Variants in IGF2BP2 observed in about 807,000 individuals in gnomAD.
The protein encoded by IGF2BP2 is insulin like growth factor 2 mRNA binding protein 2.
In IGF2BP2, 17 loss-of-function variants were observed where a neutral mutation model predicts 75.8. The ratio of observed to expected loss-of-function variants is 0.22; its 90% CI spans 0.15 to 0.34. The LOEUF (loss-of-function observed/expected upper bound fraction) is 0.34. Ranked by LOEUF, IGF2BP2 falls within the 10% of genes least tolerant of loss-of-function variation. The pLI, the probability that IGF2BP2 is intolerant of heterozygous loss-of-function variation, is 1.00. For synonymous variants in IGF2BP2, 288 were observed against 295.6 expected, an observed-to-expected ratio of 0.97 and a Z score of 0.26; for missense variants, 516 against 772.4, an observed-to-expected ratio of 0.67 and a Z score of 3.93.
chr3:185,698,466 T>A, intron 2 of IGF2BP2, 119 bp from the exon 3 acceptor site: 1 of 877,400 alleles, frequency 1.1e-6, no homozygotes, highest in Admixed American at 2.4e-5. Flanking sequence ...CACCATGGCA[T>A]CAACAAAAAA....
intron 7 of IGF2BP2, among the ~76,000 whole-genome samples, chr3:185,682,085 T>C (rs939002971): frequency 2.0e-5 from 3 of 152,224 alleles, no homozygotes; most frequent in East Asian, 3.8e-4. Flanking sequence ...TAAAAACTTT[T>C]GTGCATCAAA....
intron 2 of IGF2BP2, among the ~76,000 whole-genome samples, chr3:185,699,794 C>A (rs116990199): frequency 6.6e-6 from 1 of 152,078 alleles, no homozygotes. Context: ...TTAATCCATC[C>A]CCTACTAATG....
At chr3:185,786,729 C>T (rs1182936082) in intron 2 of IGF2BP2, among the ~76,000 whole-genome samples, 2 of 152,034 alleles carry the variant, frequency 1.3e-5, no homozygotes, top group South Asian at 2.1e-4. Context: ...CACATGGACG[C>T]GCGTGACAGA....
intron 2 of IGF2BP2, among the ~76,000 whole-genome samples, chr3:185,787,715 A>T (rs1424444158): frequency 6.7e-6 from 1 of 148,782 alleles, no homozygotes; most frequent in African/African-American, 2.5e-5. Context: ...CCTGGGCAAC[A>T]GAGTGAGACT....
chr3:185,654,937 T>C (rs977211583), intron 12 of IGF2BP2, among the ~76,000 whole-genome samples: 2 of 152,182 alleles, frequency 1.3e-5, no homozygotes, highest in Non-Finnish European at 2.9e-5. Context: ...TCTCCTCCCA[T>C]GGATGAGTGT....
At chr3:185,719,610 G>A (rs1004275808) in intron 2 of IGF2BP2, among the ~76,000 whole-genome samples, 14 of 152,202 alleles carry the variant, frequency 9.2e-5, no homozygotes, top group African/African-American at 2.4e-4. Flanking sequence ...GAGGCAGGTG[G>A]ATCACCTGAG....
chr3:185,811,827 G>GGT (rs1739874051), intron 2 of IGF2BP2, among the ~76,000 whole-genome samples: 1 of 120,456 alleles, frequency 8.3e-6, no homozygotes, highest in South Asian at 2.7e-4. Flanking sequence ...CTCAGAGTAG[G>GGT]GTGTCTCTCT....
chr3:185,721,186 T>C (rs1262647804), intron 2 of IGF2BP2, among the ~76,000 whole-genome samples: 3 of 152,118 alleles, frequency 2.0e-5, no homozygotes, highest in African/African-American at 7.2e-5. Context: ...CTTCTTCTTC[T>C]TTTTTTGTTT....
chr3:185,668,504 GAGAGAT>G (rs1400150889), intron 10 of IGF2BP2, among the ~76,000 whole-genome samples: 3 of 123,012 alleles, frequency 2.4e-5, no homozygotes, highest in Admixed American at 8.0e-5. Flanking sequence ...GAGAGAGAGA[GAGAGAT>G]ATATATATAT....
chr3:185,709,844 GA>G (rs1250850685), intron 2 of IGF2BP2, among the ~76,000 whole-genome samples: 3 of 152,168 alleles, frequency 2.0e-5, no homozygotes, highest in Non-Finnish European at 4.4e-5. Context: ...CAGGTGGAAT[GA>G]ACAATCCAAA....
At chr3:185,761,542 G>A (rs1732370672) in intron 2 of IGF2BP2, among the ~76,000 whole-genome samples, 1 of 152,150 alleles carries the variant, frequency 6.6e-6, no homozygotes, top group East Asian at 1.9e-4. Context: ...TTTACTGGGG[G>A]TACTGGTTGC....
rs754676128 is a variant in IGF2BP2 at position 185,652,076 on chromosome 3, G to A, written c.1461+18C>T. The A allele has an allele frequency of 3.1e-6, 5 of 1,604,388 alleles. No homozygotes were observed. In the South Asian group the frequency reaches 3.3e-5, roughly 11 times the overall value. ...TGTGCCCAGAGCCTGCAGGGCTGAG[G>A]TGTCCCTTGGCACTAACCTTGAACT... is the stretch of plus-strand genomic sequence containing the variant. On this transcript the variant is annotated intron_variant, in intron 13 of 15. Transcript: ENST00000382199.
At chr3:185,675,735 T>A (rs1442570567) in intron 8 of IGF2BP2, 56 bp downstream of exon 8, 2 of 1,589,862 alleles carry the variant, frequency 1.3e-6, no homozygotes, top group Non-Finnish European at 1.7e-6. Context: ...ACTAGACGTA[T>A]CGAAATGCTC....
chr3:185,743,446 T>C (rs950799002), intron 2 of IGF2BP2, among the ~76,000 whole-genome samples: 1 of 152,100 alleles, frequency 6.6e-6, no homozygotes, highest in Non-Finnish European at 1.5e-5. Context: ...TGGCTAATTT[T>C]TGTATTTTTA....
chr3:185,760,315 C>T (rs1184353508), intron 2 of IGF2BP2, among the ~76,000 whole-genome samples: 1 of 152,130 alleles, frequency 6.6e-6, no homozygotes, highest in Non-Finnish European at 1.5e-5. Context: ...ATATTAGACT[C>T]ATCAGTTTTT....
intron 2 of IGF2BP2, among the ~76,000 whole-genome samples, chr3:185,707,199 T>TG (rs11401545): frequency 1 from 149,841 of 149,846 alleles, 74,918 homozygotes; most frequent in Middle Eastern, 1. Context: ...CACTCCAGCC[T>TG]GGCAACAAGA....
intron 2 of IGF2BP2, among the ~76,000 whole-genome samples, chr3:185,701,350 T>C (rs1443905982): frequency 7.7e-6 from 1 of 130,114 alleles, no homozygotes; most frequent in East Asian, 2.1e-4. Context: ...TTTTAAAGTA[T>C]ACTGGAACCT....
At chr3:185,675,946 G>C (rs778876184) in intron 7 of IGF2BP2, 33 bp from the exon 8 acceptor site, 2 of 1,610,252 alleles carry the variant, frequency 1.2e-6, no homozygotes, top group Non-Finnish European at 1.7e-6. Context: ...TAACACTTCA[G>C]ATACGTATAA....
intron 2 of IGF2BP2, among the ~76,000 whole-genome samples, chr3:185,739,284 T>C (rs1201243335): frequency 1.3e-5 from 2 of 152,140 alleles, no homozygotes; most frequent in African/African-American, 4.8e-5. Context: ...TGGTCTCTAA[T>C]CCTCAGTGTG....
Sources: gnomAD v4.1 joint callset for allele counts (sites outside exome capture counted in the v4.1 genomes callset) on GRCh38, gnomAD v4.1.1 for gene constraint, MANE v1.5 for transcripts, NCBI Gene and HGNC (gene_info 2026-07-23, HGNC 2026-07-21) for gene names.